TENM4: variants seen among roughly 807,000 people sequenced by gnomAD.
TENM4 encodes the protein teneurin transmembrane protein 4.
Under a neutral mutation model 243.3 loss-of-function variants are expected in TENM4, and 82 were observed. The ratio of observed to expected loss-of-function variants is 0.34; its 90% CI spans 0.28 to 0.40. TENM4 has a LOEUF of 0.40. Ranked by LOEUF, TENM4 falls within the 10% of genes least tolerant of loss-of-function variation. The pLI is 1.00. For synonymous variants in TENM4, 1,412 were observed against 1,456.3 expected, an observed-to-expected ratio of 0.97 and a Z score of 0.69; for missense variants, 3,138 against 3,673.3, an observed-to-expected ratio of 0.85 and a Z score of 3.77.
chr11:78,947,696 G>A (rs1021985126), intron 6 of TENM4, among the ~76,000 whole-genome samples: 1 of 152,156 alleles, frequency 6.6e-6, no homozygotes, highest in Admixed American at 6.5e-5. Flanking sequence ...TGGTGCCAAG[G>A]CAGTTTAACA....
intron 6 of TENM4, among the ~76,000 whole-genome samples, chr11:78,922,069 T>G (rs1856460414): frequency 6.6e-6 from 1 of 152,150 alleles, no homozygotes; most frequent in Non-Finnish European, 1.5e-5. Context: ...GTGACTGATG[T>G]TTTCTTGCAA....
chr11:78,843,537 T>C (rs1312529762), intron 12 of TENM4, among the ~76,000 whole-genome samples: 2 of 152,064 alleles, frequency 1.3e-5, no homozygotes, highest in Admixed American at 1.3e-4. Context: ...TCTAAGATAA[T>C]ACTTAGATAC....
chr11:79,073,576 G>A (rs1049301404), intron 4 of TENM4, among the ~76,000 whole-genome samples: 3 of 152,242 alleles, frequency 2.0e-5, no homozygotes, highest in East Asian at 1.9e-4. Flanking sequence ...AAAGTATTAC[G>A]TAAATCTAAG....
At chr11:79,378,520 A>G (rs1334578471) in intron 1 of TENM4, among the ~76,000 whole-genome samples, 1 of 152,214 alleles carries the variant, frequency 6.6e-6, no homozygotes, top group Non-Finnish European at 1.5e-5. Flanking sequence ...ACCTGGGGGC[A>G]TGCCTTGCTC....
rs77570966 is a variant in TENM4, at chr11:79,035,504, T to C, written c.493+29234A>G. On this transcript the variant is annotated intron_variant, in intron 6 of 33. Transcript: ENST00000278550. ...TATTTTTCTCATCACACAAGGGATATACATTCCTTGTAGAAGATTTAAAAA... is the reference window on the plus strand; with the variant it reads ...TATTTTTCTCATCACACAAGGGATACACATTCCTTGTAGAAGATTTAAAAA... Among the ~76,000 whole-genome samples, 1,156 of 149,010 alleles carry C rather than the reference T, an allele frequency of 7.8e-3. 10 individuals carry two copies. The highest frequency in any genetic ancestry group is 0.034 in the Middle Eastern group (10 of 290).
rs113501963 is a variant in TENM4 at position 79,275,250 on chromosome 11, TGCGC to T, written c.-265+22234_-265+22237del. ...GGGTGTGTGTGTGTGTGTCTGTGTG[TGCGC>T]GCGCATGCGGGCATGTGTTTGTGTG... On this transcript the variant is annotated intron_variant, in intron 2 of 33. Coordinates refer to ENST00000278550, the MANE Select transcript of TENM4 (RefSeq NM_001098816.3). Among the ~76,000 whole-genome samples, 1,148 of 117,260 alleles carry T rather than the reference TGCGC, an allele frequency of 9.8e-3. 3 individuals are homozygous for T. The highest frequency in any genetic ancestry group is 0.012 in the African/African-American group (386 of 31,222). The allele number at this position is 117,260 out of a possible 152,430, so 76.9% of individuals were successfully genotyped here. A position where few individuals can be genotyped will look rare whatever the true frequency, so the allele number is the denominator to read the frequency against.
intron 6 of TENM4, among the ~76,000 whole-genome samples, chr11:79,032,574 A>G (rs1216235189): frequency 2.0e-5 from 3 of 152,178 alleles, no homozygotes; most frequent in Non-Finnish European, 4.4e-5. Flanking sequence ...AGCCTTTCAA[A>G]TGTCCAGGTA....
intron 31 of TENM4, among the ~76,000 whole-genome samples, chr11:78,671,438 G>T (rs1297821509): frequency 6.6e-6 from 1 of 152,174 alleles, no homozygotes; most frequent in Non-Finnish European, 1.5e-5. Flanking sequence ...CTTGAAATGG[G>T]GCATGCAGTG....
intron 6 of TENM4, among the ~76,000 whole-genome samples, chr11:79,031,424 G>A (rs999917639): frequency 6.6e-6 from 1 of 152,160 alleles, no homozygotes; most frequent in Admixed American, 6.5e-5. Flanking sequence ...CCAGGGTGGG[G>A]AGTCAGCAGG....
At chr11:79,189,411 G>A (rs993730188) in intron 3 of TENM4, among the ~76,000 whole-genome samples, 2 of 152,166 alleles carry the variant, frequency 1.3e-5, no homozygotes, top group African/African-American at 4.8e-5. Flanking sequence ...TCTGTTTCTC[G>A]AGTGAAGGAG....
chr11:79,215,407 G>A (rs2135225493), intron 3 of TENM4, among the ~76,000 whole-genome samples: 1 of 152,226 alleles, frequency 6.6e-6, no homozygotes, highest in Admixed American at 6.5e-5. Flanking sequence ...TCAACACATA[G>A]CCACCAGACT....
intron 17 of TENM4, 124 bp downstream of exon 17, chr11:78,778,478 A>G (rs565609185): frequency 5.4e-4 from 589 of 1,097,114 alleles, no homozygotes; most frequent in Non-Finnish European, 7.3e-4. Context: ...CTGGGGATGC[A>G]TTAGCTTCCA....
At chr11:79,283,776 T>C (rs1253139888) in intron 2 of TENM4, among the ~76,000 whole-genome samples, 1 of 152,126 alleles carries the variant, frequency 6.6e-6, no homozygotes, top group East Asian at 1.9e-4. Context: ...AAACTATCTC[T>C]ACTCATCAAT....
chr11:78,826,681 T>C (rs1857859553), intron 12 of TENM4, among the ~76,000 whole-genome samples: 1 of 152,168 alleles, frequency 6.6e-6, no homozygotes. Context: ...AGGAGCCCTA[T>C]GGACACTTCT....
chr11:78,768,012 G>A (rs186031643), intron 18 of TENM4, among the ~76,000 whole-genome samples: 1 of 152,208 alleles, frequency 6.6e-6, no homozygotes, highest in Non-Finnish European at 1.5e-5. Flanking sequence ...TGCAAATATG[G>A]TTTACTCTTG....
intron 6 of TENM4, among the ~76,000 whole-genome samples, chr11:78,925,703 C>T (rs917185670): frequency 3.9e-5 from 6 of 152,088 alleles, no homozygotes; most frequent in East Asian, 3.8e-4. Flanking sequence ...TCCATGGCTC[C>T]GTGCTACCCT....
intron 6 of TENM4, among the ~76,000 whole-genome samples, chr11:78,923,292 A>C (rs1409070597): frequency 6.6e-6 from 1 of 152,064 alleles, no homozygotes; most frequent in Non-Finnish European, 1.5e-5. Flanking sequence ...CCCATAAAAG[A>C]CGTAGCCTGT....
At chr11:78,755,963 T>G (rs1231677290) in intron 19 of TENM4, among the ~76,000 whole-genome samples, 1 of 152,162 alleles carries the variant, frequency 6.6e-6, no homozygotes, top group Admixed American at 6.5e-5. Context: ...TCAAAAGAAA[T>G]GATTATAAAT....
intron 3 of TENM4, among the ~76,000 whole-genome samples, chr11:79,202,231 C>T (rs1863752765): frequency 6.6e-6 from 1 of 152,204 alleles, no homozygotes; most frequent in South Asian, 2.1e-4. Context: ...GTCTTCCCTG[C>T]TGTGAGGGAC....
Sources: gnomAD v4.1 joint callset for allele counts (sites outside exome capture counted in the v4.1 genomes callset) on GRCh38, gnomAD v4.1.1 for gene constraint, MANE v1.5 for transcripts, NCBI Gene and HGNC (gene_info 2026-07-23, HGNC 2026-07-21) for gene names.